The following RCBTB2 variants were observed in gnomAD, a reference collection of about 807,000 sequenced individuals.
RCBTB2 encodes the protein RCC1 and BTB domain containing protein 2.
RCBTB2 carries 55 observed loss-of-function variants against 65.4 expected under a neutral mutation model. The observed-to-expected ratio is 0.84, with a 90% CI of 0.68 to 1.05. The LOEUF is 1.05. Among genes scored for constraint, RCBTB2 ranks in the 50% least tolerant of loss-of-function variants. The probability of loss-of-function intolerance (pLI) is 0.00; values close to 1 mark genes in which losing one functional copy is unlikely to be tolerated. For synonymous variants in RCBTB2, 220 were observed against 255.2 expected (o/e 0.86, Z 1.31); for missense variants, 599 against 680.1 (o/e 0.88, Z 1.33).
At chr13:48,521,834 G>T in intron 4 of RCBTB2, 64 bp downstream of exon 4, 3 of 1,472,358 alleles carry the variant, frequency 2.0e-6, no homozygotes, top group Non-Finnish European at 1.9e-6. Context: ...ACCAATAGGT[G>T]CTTCATGAAG....
intron 4 of RCBTB2, among the ~76,000 whole-genome samples, chr13:48,520,246 CTCAA>C (rs1165665265): frequency 6.6e-6 from 1 of 152,104 alleles, no homozygotes; most frequent in East Asian, 1.9e-4. Context: ...CCATAGGAGC[CTCAA>C]TCTATCTGCA....
rs538588342 is a variant in RCBTB2, at chr13:48,502,322, C to A, written c.1117+402G>T. On this transcript the variant is annotated intron_variant, in intron 11 of 14. Coordinates refer to ENST00000344532, the MANE Select transcript of RCBTB2 (RefSeq NM_001268.4). Reference sequence around the variant, plus strand: ...CCTGGGCAACACAGAGAGACCCCACCTCCAAAGAAAGTTTCTTTAAATTAG... The same window carrying A: ...CCTGGGCAACACAGAGAGACCCCACATCCAAAGAAAGTTTCTTTAAATTAG... 1.8e-4 allele frequency among the ~76,000 whole-genome samples: 27 copies of A among 152,190 alleles called. No homozygotes were observed. The South Asian group carries it at 5.6e-3, about 32-fold the overall frequency.
rs1951612940 is a variant in RCBTB2 at position 48,524,729 on chromosome 13, A to G, written c.-190T>C. On this transcript the variant is annotated 5_prime_UTR_variant, in exon 2 of 15. Transcript: ENST00000344532. ...TCCTGTTCCTTTTAGATCCTTGTAA[A>G]GTTGTCTTCTAGAGCAAAGTTAATG... 1 of 152,202 alleles carries G rather than the reference A, an allele frequency of 6.6e-6. No individual in the cohort carries two copies. The highest frequency in any genetic ancestry group is 6.5e-5 in the Admixed American group (1 of 15,274). The allele number at this position is 152,202 out of a possible 1,614,324, so 9.4% of individuals were successfully genotyped here. A position where few individuals can be genotyped will look rare whatever the true frequency, so the allele number is the denominator to read the frequency against.
At chr13:48,510,047 C>T (rs1262333190) in intron 10 of RCBTB2, among the ~76,000 whole-genome samples, 2 of 152,194 alleles carry the variant, frequency 1.3e-5, no homozygotes, top group African/African-American at 4.8e-5. Flanking sequence ...ATCAGAATAA[C>T]GTGGAAACTA....
At chr13:48,532,607 G>C (rs953196524) in intron 1 of RCBTB2, 1 of 195,188 alleles carries the variant, frequency 5.1e-6, no homozygotes, top group Non-Finnish European at 1.1e-5. Flanking sequence ...CTTAGGATGA[G>C]AGCGGCCTCC....
At position 48,490,566 on chromosome 13, in the gene RCBTB2, A is replaced by G. The variant is rs9332072; in HGVS notation, c.1516-315T>C. ...TTCCTTGGTACCTTTGTCTAGTGAC[A>G]GTATTTGTAACTGTTGATTTCACTT... On this transcript the variant is annotated intron_variant, in intron 14 of 14. Coordinates refer to ENST00000344532, the MANE Select transcript of RCBTB2 (RefSeq NM_001268.4). Among the ~76,000 whole-genome samples the G allele has an allele frequency of 8.2e-3, 1,250 of 152,328 alleles. 14 individuals carry two copies. Among genetic ancestry groups the G allele is most frequent in the African/African-American group, 0.029 (1,193 of 41,572 alleles).
chr13:48,512,482 A>G (rs1950856492), intron 7 of RCBTB2, among the ~76,000 whole-genome samples: 1 of 152,222 alleles, frequency 6.6e-6, no homozygotes, highest in African/African-American at 2.4e-5. Flanking sequence ...TATTGCAAAT[A>G]ACCTCTTTAC....
At chr13:48,515,431 T>A in intron 5 of RCBTB2, 76 bp from the exon 6 acceptor site, 1 of 1,477,632 alleles carries the variant, frequency 6.8e-7, no homozygotes, top group Non-Finnish European at 9.2e-7. Context: ...ACAGGAATCA[T>A]CTTCCTTAAG....
chr13:48,527,147 C>G (rs2138642937), intron 1 of RCBTB2, among the ~76,000 whole-genome samples: 1 of 151,330 alleles, frequency 6.6e-6, no homozygotes, highest in South Asian at 2.1e-4. Flanking sequence ...AGAGCCAAGG[C>G]AGAAGCTGGC....
chr13:48,533,147 T>C, upstream of RCBTB2: 2 of 389,830 alleles, frequency 5.1e-6, no homozygotes, highest in South Asian at 1.8e-5. Context: ...CTCGGCGGGA[T>C]GCGCTCGGGT....
Position 48,512,166 on chromosome 13 carries a change from G to A in RCBTB2, c.525C>T (p.Ala175=). 1.9e-6 allele frequency: 3 copies of A among 1,612,126 alleles called. No individual in the cohort carries two copies. The highest frequency in any genetic ancestry group is 1.1e-5 in the South Asian group (1 of 91,026). The change falls in exon 8 of 15, where the codon GCC becomes GCT. Residue 175 remains alanine (A), a synonymous_variant. Coordinates refer to ENST00000344532, the MANE Select transcript of RCBTB2 (RefSeq NM_001268.4). ...LVLTSDGEVF[A]WGYNNSGQVG... is the part of the protein sequence containing the mutation. ...CCTGCCCAGAGTTATTATAACCCCA[G>A]GCAAATACCTGTTTAAAGGAAAGAT...
At chr13:48,515,458 A>G in intron 5 of RCBTB2, 103 bp from the exon 6 acceptor site, 2 of 1,376,210 alleles carry the variant, frequency 1.5e-6, no homozygotes, top group Non-Finnish European at 2.0e-6. Flanking sequence ...GCTTCTTTAT[A>G]TAATAAATAA....
intron 13 of RCBTB2, among the ~76,000 whole-genome samples, chr13:48,499,142 ACTCTCTCTCTCTCTCTCTCTCTCT>A (rs568053175): frequency 6.0e-5 from 8 of 132,350 alleles, no homozygotes; most frequent in Admixed American, 1.5e-4. Context: ...ACACACACAC[ACTCTCTCTCTCTCTCTCTCTCTCT>A]CTCACACACA....
chr13:48,533,405 A>G (rs1047476760), upstream of RCBTB2: 1 of 255,496 alleles, frequency 3.9e-6, no homozygotes, highest in African/African-American at 2.4e-5. Context: ...GAATTTGTGG[A>G]TACCCGACCT....
intron 2 of RCBTB2, among the ~76,000 whole-genome samples, chr13:48,524,140 T>C (rs1951575763): frequency 1.3e-5 from 2 of 152,168 alleles, no homozygotes; most frequent in African/African-American, 2.4e-5. Flanking sequence ...TTCAATGTGA[T>C]GCATACATAA....
rs537848498 is a variant in RCBTB2 at position 48,498,828 on chromosome 13, C to T, written c.1384+793G>A. 3.1e-4 allele frequency among the ~76,000 whole-genome samples: 47 copies of T among 152,288 alleles called. 1 individual carries two copies. The South Asian group carries it at 3.7e-3, about 12-fold the overall frequency. On this transcript the variant is annotated intron_variant, in intron 13 of 14. Coordinates refer to ENST00000344532, the MANE Select transcript of RCBTB2 (RefSeq NM_001268.4). ...AGCCTGTTGTTCTCTATCTTCCTCA[C>T]CTCAGTGCCATTAAGGCAGCTACCC...
chr13:48,503,000 G>T, intron 10 of RCBTB2, 86 bp from the exon 11 acceptor site: 1 of 1,340,408 alleles, frequency 7.5e-7, no homozygotes, highest in Non-Finnish European at 9.9e-7. Context: ...TAACTGATGT[G>T]GGACATCATA....
Position 48,501,817 on chromosome 13 carries a change from T to A in RCBTB2, c.1169A>T (p.Asn390Ile). ...VAESLKREFD[N>I]PDTADLKFLV... ...AAACTTCAGGTCTGCAGTGTCCGGG[T>A]TGTCAAATTCCCTCTTCAGTGACTC... The change falls in exon 12 of 15, where the codon AAC becomes ATC. Residue 390 changes from asparagine (N) to isoleucine (I), a missense_variant. Transcript: ENST00000344532. 6.2e-7 allele frequency: 1 copy of A among 1,613,818 alleles called. No homozygotes were observed.
chr13:48,511,715 A>C, intron 9 of RCBTB2, 55 bp downstream of exon 9: 1 of 1,444,996 alleles, frequency 6.9e-7, no homozygotes, highest in Non-Finnish European at 9.5e-7. Flanking sequence ...ATACATTGAT[A>C]TCTTTGCCAG....
Sources: allele counts gnomAD v4.1 joint callset (sites outside exome capture counted in the v4.1 genomes callset), GRCh38; gene constraint gnomAD v4.1.1; transcripts MANE v1.5; gene names NCBI Gene and HGNC (gene_info 2026-07-23, HGNC 2026-07-21).